Variants in SLC7A9 observed in about 807,000 individuals in gnomAD.
SLC7A9 encodes B(0,+)-type amino acid transporter 1.
SLC7A9 carries 38 observed loss-of-function variants against 54.1 expected under a neutral mutation model. The ratio of observed to expected loss-of-function variants is 0.70; its 90% CI spans 0.54 to 0.92. The LOEUF (loss-of-function observed/expected upper bound fraction) is 0.92, where lower values mean the gene tolerates loss of function less well. SLC7A9 is among the 40% of genes least tolerant of loss of function. The pLI, the probability that SLC7A9 is intolerant of heterozygous loss-of-function variation, is 0.00. For missense variants in SLC7A9, 537 were observed against 636.1 expected, an observed-to-expected ratio of 0.84 and a Z score of 1.68; for synonymous variants, 264 against 258.9, an observed-to-expected ratio of 1.02 and a Z score of -0.19.
chr19:32,856,803 C>T (rs781503514), intron 9 of SLC7A9, among the ~76,000 whole-genome samples: 1 of 152,114 alleles, frequency 6.6e-6, no homozygotes, highest in African/African-American at 2.4e-5. Flanking sequence ...TCTCGAACTC[C>T]TGGCCTCAAG....
intron 4 of SLC7A9, 35 bp downstream of exon 4, chr19:32,864,061 C>A (rs1212909321): frequency 6.2e-7 from 1 of 1,613,098 alleles, no homozygotes; most frequent in Non-Finnish European, 8.5e-7. Context: ...TGTGCCAGGT[C>A]TTTTCTGACC....
intron 9 of SLC7A9, among the ~76,000 whole-genome samples, chr19:32,854,307 C>A (rs1380721063): frequency 1.3e-5 from 2 of 152,078 alleles, no homozygotes; most frequent in African/African-American, 2.4e-5. Flanking sequence ...AGCCACCGTA[C>A]CCATGCTGGA....
intron 9 of SLC7A9, among the ~76,000 whole-genome samples, chr19:32,852,964 A>G (rs1599672168): frequency 7.8e-6 from 1 of 128,836 alleles, no homozygotes; most frequent in African/African-American, 3.1e-5. Context: ...CCCAGGCTGG[A>G]GTGCAATGGT....
chr19:32,866,182 T>C (rs1450364051), intron 2 of SLC7A9, among the ~76,000 whole-genome samples: 2 of 152,234 alleles, frequency 1.3e-5, no homozygotes, highest in East Asian at 3.9e-4. Context: ...AGCTGCAGGC[T>C]GCCACCCTGA....
At chr19:32,861,105 G>T (rs1243245730) in intron 6 of SLC7A9, among the ~76,000 whole-genome samples, 1 of 152,102 alleles carries the variant, frequency 6.6e-6, no homozygotes, top group African/African-American at 2.4e-5. Context: ...GAGGTGGGCA[G>T]ATCACTTGAA....
intron 6 of SLC7A9, among the ~76,000 whole-genome samples, chr19:32,861,517 AT>A (rs1968798475): frequency 2.0e-5 from 3 of 152,196 alleles, no homozygotes; most frequent in Admixed American, 6.6e-5. Context: ...TCTTTGTTTA[AT>A]CAAGAGCTTG....
chr19:32,842,597 TTTTTG>T lies in SLC7A9; in HGVS notation c.1075-285_1075-281del, dbSNP rs3837976. On this transcript the variant is annotated intron_variant, in intron 10 of 12. Coordinates refer to ENST00000023064, the MANE Select transcript of SLC7A9 (RefSeq NM_014270.5). ...GTTGGTGCAAAAGTAACTGTGGGTT[TTTTTG>T]TTTTGTTTTGTTTTGTTTTGTTTTG... 3.1e-3 allele frequency among the ~76,000 whole-genome samples: 468 copies of T among 149,108 alleles called. 3 individuals carry two copies. The highest frequency in any genetic ancestry group is 0.024 in the Middle Eastern group (7 of 292).
chr19:32,843,766 C>A (rs1008952107), intron 10 of SLC7A9, 89 bp downstream of exon 10: 2 of 893,018 alleles, frequency 2.2e-6, no homozygotes, highest in Non-Finnish European at 1.9e-6. Flanking sequence ...ATAAGGGCAT[C>A]TGGGTCATTT....
At chr19:32,851,528 C>T (rs2145825571) in intron 9 of SLC7A9, among the ~76,000 whole-genome samples, 1 of 150,192 alleles carries the variant, frequency 6.7e-6, no homozygotes, top group Admixed American at 6.6e-5. Context: ...ACAACAGGTG[C>T]TGGAGAGGAT....
rs568048919 is a variant in SLC7A9 at position 32,836,596 on chromosome 19, G to T, written c.1225-3273C>A. Among the ~76,000 whole-genome samples the T allele has an allele frequency of 6.2e-4, 95 of 152,204 alleles. 1 individual carries two copies. The highest frequency in any genetic ancestry group is 5.5e-3 in the Admixed American group (84 of 15,288). ...AAAAAGGTATACTCGCTGTTGCTGG[G>T]GTTCGGGGCTTGATACAAACCTCTA... On this transcript the variant is annotated intron_variant, in intron 11 of 12. Coordinates refer to ENST00000023064, the MANE Select transcript of SLC7A9 (RefSeq NM_014270.5).
intron 9 of SLC7A9, among the ~76,000 whole-genome samples, chr19:32,852,017 G>A (rs1217795990): frequency 1.3e-5 from 2 of 151,202 alleles, no homozygotes; most frequent in Non-Finnish European, 2.9e-5. Context: ...TCCGGGGACT[G>A]TTGTGGGGTG....
chr19:32,868,772 C>T (rs978635008), intron 1 of SLC7A9, 127 bp from the exon 2 acceptor site: 5 of 581,812 alleles, frequency 8.6e-6, no homozygotes, highest in Admixed American at 2.5e-5. Context: ...CACAGCTCCC[C>T]GCTGCTCTCC....
chr19:32,843,885 G>T lies in SLC7A9; in HGVS notation c.1044C>A (p.Arg348=), dbSNP rs1323807566. The T allele has an allele frequency of 6.2e-7, 1 of 1,613,900 alleles. No homozygotes were observed. The highest frequency in any genetic ancestry group is 1.7e-5 in the Admixed American group (1 of 60,016). ...LKVLSYISVR[R]LTPAPAIIFY... is the part of the protein sequence containing the mutation. ...AGATGATGGCGGGGGCTGGAGTGAG[G>T]CGCCTGACGCTGATGTAAGAAAGCA... The change falls in exon 10 of 13, where the codon CGC becomes CGA. Residue 348 remains arginine, a synonymous_variant. Coordinates refer to ENST00000023064, the MANE Select transcript of SLC7A9 (RefSeq NM_014270.5).
At chr19:32,836,991 T>C (rs111376232) in intron 11 of SLC7A9, among the ~76,000 whole-genome samples, 4 of 152,316 alleles carry the variant, frequency 2.6e-5, no homozygotes, top group African/African-American at 9.6e-5. Context: ...GAAAAATCTT[T>C]TACTTTCAAT....
intron 9 of SLC7A9, among the ~76,000 whole-genome samples, chr19:32,846,467 G>A (rs1968299232): frequency 6.6e-6 from 1 of 152,230 alleles, no homozygotes; most frequent in Non-Finnish European, 1.5e-5. Context: ...GCGAGGCTGG[G>A]GGAGGGGCGC....
intron 11 of SLC7A9, among the ~76,000 whole-genome samples, chr19:32,835,893 G>C (rs1967941975): frequency 1.6e-5 from 2 of 121,214 alleles, no homozygotes; most frequent in African/African-American, 6.7e-5. Flanking sequence ...TATGTACTGT[G>C]TGTGTGTGTG....
At chr19:32,860,805 C>T (rs1458636241) in intron 6 of SLC7A9, among the ~76,000 whole-genome samples, 155 bp from the exon 7 acceptor site, 1 of 152,192 alleles carries the variant, frequency 6.6e-6, no homozygotes, top group Non-Finnish European at 1.5e-5. Context: ...AGGTGAATGG[C>T]CCTGCTAGTG....
chr19:32,843,897 G>C lies in SLC7A9; in HGVS notation c.1032C>G (p.Ile344Met). 1 of 1,613,980 alleles carries C rather than the reference G, an allele frequency of 6.2e-7. No homozygotes were observed. The highest frequency in any genetic ancestry group is 2.2e-5 in the East Asian group (1 of 44,884). ...GGGCTGGAGTGAGGCGCCTGACGCT[G>C]ATGTAAGAAAGCACTTTGAGCATGT... ...EGHMLKVLSY[I>M]SVRRLTPAPA... is the part of the protein sequence containing the mutation. The change falls in exon 10 of 13, where the codon ATC becomes ATG. Residue 344 changes from isoleucine (I) to methionine (M), a missense_variant. Coordinates refer to ENST00000023064, the MANE Select transcript of SLC7A9 (RefSeq NM_014270.5).
chr19:32,867,945 AAAAAAAAAG>A (rs1377950327), intron 2 of SLC7A9, among the ~76,000 whole-genome samples: 4 of 149,750 alleles, frequency 2.7e-5, no homozygotes, highest in South Asian at 2.1e-4. Context: ...AAAAAAAAAA[AAAAAAAAAG>A]AATATGCAGC....
Sources: allele counts gnomAD v4.1 joint callset (sites outside exome capture counted in the v4.1 genomes callset), GRCh38; gene constraint gnomAD v4.1.1; transcripts MANE v1.5; gene names NCBI Gene and HGNC (gene_info 2026-07-23, HGNC 2026-07-21).